ANO4: variants seen among roughly 807,000 people sequenced by gnomAD.
ANO4 encodes the protein anoctamin-4.
In ANO4, 69 loss-of-function variants were observed where a neutral mutation model predicts 141.9. That is an observed-to-expected ratio of 0.49 (90% CI 0.40 to 0.59). The LOEUF is 0.59. Among genes scored for constraint, ANO4 ranks in the 20% least tolerant of loss-of-function variants. The pLI is 0.00. For missense variants in ANO4, 894 were observed against 1,162.2 expected (o/e 0.77, Z 3.36); for synonymous variants, 350 against 394.3 (o/e 0.89, Z 1.33).
intron 14 of ANO4, among the ~76,000 whole-genome samples, chr12:101,056,062 CATA>C (rs1365323265): frequency 1.3e-5 from 2 of 152,048 alleles, no homozygotes; most frequent in East Asian, 1.9e-4. Context: ...ATTATTATGG[CATA>C]ATAACTGTTA....
intron 2 of ANO4, among the ~76,000 whole-genome samples, chr12:100,739,378 G>A (rs1357282897): frequency 6.6e-6 from 1 of 151,996 alleles, no homozygotes; most frequent in African/African-American, 2.4e-5. Flanking sequence ...ACTGTAGTTA[G>A]TTGTAGTTTA....
chr12:100,737,858 T>G (rs2135461444), intron 2 of ANO4, among the ~76,000 whole-genome samples: 1 of 152,252 alleles, frequency 6.6e-6, no homozygotes, highest in Non-Finnish European at 1.5e-5. Flanking sequence ...CACACAGAAG[T>G]GTCACATTTG....
chr12:100,910,226 G>T (rs1476585490), intron 2 of ANO4, among the ~76,000 whole-genome samples: 6 of 152,070 alleles, frequency 3.9e-5, no homozygotes, highest in Non-Finnish European at 8.8e-5. Flanking sequence ...GATAAATAAA[G>T]AAATCATTTT....
intron 1 of ANO4, among the ~76,000 whole-genome samples, chr12:100,865,130 C>A (rs77520280): frequency 6.6e-6 from 1 of 152,172 alleles, no homozygotes; most frequent in African/African-American, 2.4e-5. Context: ...GATTTATAAT[C>A]CTTTAGGTAC....
At chr12:100,970,707 TTCC>T (rs2043891823) in intron 5 of ANO4, among the ~76,000 whole-genome samples, 1 of 130,696 alleles carries the variant, frequency 7.7e-6, no homozygotes, top group Non-Finnish European at 1.6e-5. Context: ...CCTTCCTTCC[TTCC>T]TTCCTTCCTT....
At chr12:101,118,065 G>C (rs1566273483) in intron 25 of ANO4, among the ~76,000 whole-genome samples, 1 of 151,970 alleles carries the variant, frequency 6.6e-6, no homozygotes, top group Non-Finnish European at 1.5e-5. Flanking sequence ...TTGGGGTCTA[G>C]TGGAGAAGCA....
chr12:101,022,581 C>CT (rs1210116585), intron 9 of ANO4, among the ~76,000 whole-genome samples: 5 of 152,064 alleles, frequency 3.3e-5, no homozygotes, highest in Non-Finnish European at 7.4e-5. Context: ...TTTTTACGAA[C>CT]TTTTTTCAGT....
At chr12:100,761,958 CAT>C (rs1242861362) in intron 3 of ANO4, among the ~76,000 whole-genome samples, 2 of 152,070 alleles carry the variant, frequency 1.3e-5, no homozygotes, top group African/African-American at 4.8e-5. Context: ...TTCCAGAGCT[CAT>C]AGTGGAAGAA....
At chr12:100,986,480 C>T (rs992755015) in intron 7 of ANO4, among the ~76,000 whole-genome samples, 1 of 152,166 alleles carries the variant, frequency 6.6e-6, no homozygotes, top group African/African-American at 2.4e-5. Flanking sequence ...CTGATCTCTT[C>T]AGGAAACAAC....
chr12:100,970,821 C>T (rs2136272011), intron 5 of ANO4, among the ~76,000 whole-genome samples: 1 of 152,098 alleles, frequency 6.6e-6, no homozygotes, highest in Admixed American at 6.6e-5. Context: ...CGGGTTCAAG[C>T]GATTCTCCCG....
At chr12:100,852,996 T>C (rs985050969) in intron 1 of ANO4, among the ~76,000 whole-genome samples, 1 of 152,278 alleles carries the variant, frequency 6.6e-6, no homozygotes, top group South Asian at 2.1e-4. Flanking sequence ...ATGTGGTGTG[T>C]ATGTAAGTGT....
chr12:100,747,740 G>A (rs2032179807), intron 3 of ANO4, among the ~76,000 whole-genome samples: 1 of 152,184 alleles, frequency 6.6e-6, no homozygotes, highest in South Asian at 2.1e-4. Context: ...GGGTGTGGTG[G>A]CATGTGCCTG....
At position 100,980,344 on chromosome 12, in the gene ANO4, A is replaced by G. The variant is rs556277725; in HGVS notation, c.602+5455A>G. On this transcript the variant is annotated intron_variant, in intron 7 of 27. Transcript: ENST00000392977. ...TACATTTAAAATCCACGTTGTCAGA[A>G]AATGTTGCATCTACCTTAACTCTTC... 2.6e-5 allele frequency among the ~76,000 whole-genome samples: 4 copies of G among 152,322 alleles called. No individual in the cohort carries two copies. In the South Asian group the frequency reaches 8.3e-4, roughly 32 times the overall value.
At chr12:101,053,908 C>T (rs553803792) in intron 14 of ANO4, among the ~76,000 whole-genome samples, 1 of 152,306 alleles carries the variant, frequency 6.6e-6, no homozygotes, top group Admixed American at 6.5e-5. Flanking sequence ...GAGTTATAAT[C>T]CGGGAAGGGA....
chr12:100,877,516 T>C (rs1306485185), intron 1 of ANO4, among the ~76,000 whole-genome samples: 1 of 151,908 alleles, frequency 6.6e-6, no homozygotes, highest in Non-Finnish European at 1.5e-5. Context: ...CTTTTTTTTT[T>C]TTCTTAATGG....
intron 1 of ANO4, among the ~76,000 whole-genome samples, chr12:100,829,669 G>A (rs1473536569): frequency 6.6e-6 from 1 of 152,002 alleles, no homozygotes; most frequent in African/African-American, 2.4e-5. Flanking sequence ...TCAGTACAAG[G>A]TAATCCCTTA....
chr12:100,882,250 C>T (rs1244142936), intron 1 of ANO4, among the ~76,000 whole-genome samples: 2 of 152,076 alleles, frequency 1.3e-5, no homozygotes, highest in Non-Finnish European at 2.9e-5. Context: ...ACAACTTGAA[C>T]GGGGTGGAAC....
At chr12:101,047,488 G>T (rs909104583) in intron 13 of ANO4, among the ~76,000 whole-genome samples, 2 of 151,964 alleles carry the variant, frequency 1.3e-5, no homozygotes, top group African/African-American at 2.4e-5. Flanking sequence ...AATACTTCAC[G>T]TTCTGATATA....
At chr12:100,907,739 T>A (rs528768777) in intron 2 of ANO4, among the ~76,000 whole-genome samples, 13 of 152,334 alleles carry the variant, frequency 8.5e-5, no homozygotes, top group South Asian at 2.1e-4. Context: ...ATTTTCCAGG[T>A]GAAACATTTC....
Sources: gnomAD v4.1 joint callset for allele counts (sites outside exome capture counted in the v4.1 genomes callset) on GRCh38, gnomAD v4.1.1 for gene constraint, MANE v1.5 for transcripts, NCBI Gene and HGNC (gene_info 2026-07-23, HGNC 2026-07-21) for gene names.